Variants in TRIM61 observed in about 807,000 individuals in gnomAD.
TRIM61 encodes tripartite motif containing 61, also known as putative tripartite motif-containing protein 61.
Under a neutral mutation model 14.2 loss-of-function variants are expected in TRIM61, and 1 was observed. The ratio of observed to expected loss-of-function variants is 0.07; its 90% CI spans 0.03 to 0.33. The LOEUF (loss-of-function observed/expected upper bound fraction) is 0.33. Ranked by LOEUF, TRIM61 falls within the 10% of genes least tolerant of loss-of-function variation. The pLI is 0.99. For missense variants in TRIM61, 19 were observed against 202.2 expected (o/e 0.09, Z 5.49); for synonymous variants, 8 against 71.6 (o/e 0.11, Z 4.49).
At chr4:164,972,385 GC>G (rs60028213) in intron 2 of TRIM61, among the ~76,000 whole-genome samples, 5,249 of 152,316 alleles carry the variant, frequency 0.034, 298 homozygotes, top group African/African-American at 0.12. Context: ...CCAAACAAGA[GC>G]CATGTATTGC....
At chr4:164,957,044 C>T in intron 3 of TRIM61, 2 of 1,502,880 alleles carry the variant, frequency 1.3e-6, no homozygotes, top group Non-Finnish European at 1.8e-6. Context: ...CGCGGTGCGG[C>T]GGGGCAGCTG....
chr4:164,975,283 G>A (rs1176135917), intron 2 of TRIM61, among the ~76,000 whole-genome samples: 4 of 150,464 alleles, frequency 2.7e-5, no homozygotes, highest in South Asian at 2.1e-4. Flanking sequence ...AAACTGCAGA[G>A]CATCATTGCA....
chr4:164,955,047 G>A lies in TRIM61; in HGVS notation c.575C>T (p.Ala192Val). 4.3e-6 allele frequency: 1 copy of A among 234,712 alleles called. No homozygotes were observed. 14.5% of individuals were successfully genotyped at this position (234,712 alleles called of 1,614,324 possible). Residue 192 changes from alanine to valine, a missense_variant, in exon 4 of 5, where the codon GCT becomes GTT. Transcript: ENST00000329314. ...TCCCGGGAGGCGGAGGTTGAAGTGA[G>A]CCGAGATCGTGCAACTGCACTCCAG...
At chr4:164,962,004 A>G (rs1008863785) in intron 3 of TRIM61, among the ~76,000 whole-genome samples, 3 of 152,182 alleles carry the variant, frequency 2.0e-5, no homozygotes, top group African/African-American at 7.2e-5. Context: ...TACTGTACTG[A>G]ATACTATAGA....
chr4:164,959,947 A>G (rs1029939393), intron 3 of TRIM61, among the ~76,000 whole-genome samples: 1 of 152,200 alleles, frequency 6.6e-6, no homozygotes, highest in Non-Finnish European at 1.5e-5. Flanking sequence ...TTTGGAAATT[A>G]GGTCTTTAGA....
intron 3 of TRIM61, chr4:164,956,976 G>A (rs1299537830): frequency 1.4e-6 from 2 of 1,444,836 alleles, no homozygotes; most frequent in Non-Finnish European, 1.8e-6. Flanking sequence ...GACCGTGAAG[G>A]TGTGGCGCGA....
chr4:164,962,032 C>G (rs1732146599), intron 3 of TRIM61, among the ~76,000 whole-genome samples: 3 of 151,986 alleles, frequency 2.0e-5, no homozygotes, highest in African/African-American at 7.3e-5. Flanking sequence ...AATACAATGG[C>G]AAGCATAGAA....
intron 2 of TRIM61, among the ~76,000 whole-genome samples, chr4:164,970,630 G>A (rs1732342834): frequency 6.6e-6 from 1 of 151,902 alleles, no homozygotes; most frequent in African/African-American, 2.4e-5. Context: ...TTCAGATTGT[G>A]GAGCATTCTT....
chr4:164,968,883 T>A (rs188681215), intron 3 of TRIM61: 1 of 989,000 alleles, frequency 1.0e-6, no homozygotes, highest in African/African-American at 1.7e-5. Context: ...CTCTTCCTCC[T>A]TCTGGGAAGA....
At chr4:164,956,999 G>A in intron 3 of TRIM61, 1 of 1,469,018 alleles carries the variant, frequency 6.8e-7, no homozygotes, top group East Asian at 2.5e-5. Context: ...TTGGAGACCG[G>A]GGCAGCGCCA....
At chr4:164,967,806 G>A (rs1424370210) in intron 3 of TRIM61, among the ~76,000 whole-genome samples, 5 of 151,184 alleles carry the variant, frequency 3.3e-5, no homozygotes, top group South Asian at 2.1e-4. Flanking sequence ...TCAACACCAC[G>A]CTGGGCAAAA....
chr4:164,964,634 A>C (rs1426805190), intron 3 of TRIM61, among the ~76,000 whole-genome samples: 1 of 152,216 alleles, frequency 6.6e-6, no homozygotes, highest in African/African-American at 2.4e-5. Flanking sequence ...GGGATGGAAC[A>C]ATTAGGAAGA....
chr4:164,968,729 T>C, intron 3 of TRIM61: 4 of 982,938 alleles, frequency 4.1e-6, no homozygotes, highest in Non-Finnish European at 4.8e-6. Flanking sequence ...GGAAACTTCA[T>C]TCATTTCATA....
intron 3 of TRIM61, among the ~76,000 whole-genome samples, chr4:164,960,554 C>CA (rs70952670): frequency 5.3e-4 from 68 of 127,722 alleles, no homozygotes; most frequent in East Asian, 1.9e-3. Flanking sequence ...GACTCTGTCT[C>CA]AAAAAAAAAA....
intron 3 of TRIM61, among the ~76,000 whole-genome samples, chr4:164,955,504 G>C (rs528036038): frequency 6.7e-6 from 1 of 149,114 alleles, no homozygotes; most frequent in Non-Finnish European, 1.5e-5. Context: ...AAGAGTTTGA[G>C]GCTACAGTGA....
chr4:164,960,713 G>A (rs534169147), intron 3 of TRIM61, among the ~76,000 whole-genome samples: 23 of 152,136 alleles, frequency 1.5e-4, no homozygotes, highest in Non-Finnish European at 3.4e-4. Context: ...CACTTTGGGA[G>A]GCTGAGGCAG....
chr4:164,966,678 C>T (rs1022399141), intron 3 of TRIM61, among the ~76,000 whole-genome samples: 14 of 152,130 alleles, frequency 9.2e-5, no homozygotes, highest in Admixed American at 2.6e-4. Context: ...TTTGGGAGGC[C>T]GGAGTGGGTG....
intron 3 of TRIM61, among the ~76,000 whole-genome samples, chr4:164,956,028 T>C (rs1339155294): frequency 6.6e-6 from 1 of 152,220 alleles, no homozygotes; most frequent in Non-Finnish European, 1.5e-5. Flanking sequence ...GAGGCATTGA[T>C]AACGCTGAAA....
At chr4:164,966,031 C>G (rs950640074) in intron 3 of TRIM61, among the ~76,000 whole-genome samples, 16 of 152,168 alleles carry the variant, frequency 1.1e-4, no homozygotes, top group Admixed American at 6.5e-5. Context: ...AGAATATCCC[C>G]AAGATACCTG....
Sources: allele counts gnomAD v4.1 joint callset (sites outside exome capture counted in the v4.1 genomes callset), GRCh38; gene constraint gnomAD v4.1.1; transcripts MANE v1.5; gene names NCBI Gene and HGNC (gene_info 2026-07-23, HGNC 2026-07-21).